CPS1: variants seen among roughly 807,000 people sequenced by gnomAD.
CPS1 encodes carbamoyl-phosphate synthase [ammonia], mitochondrial.
A neutral mutation model predicts 174.6 loss-of-function variants in CPS1; 109 were observed. That is an observed-to-expected ratio of 0.62 (90% CI 0.53 to 0.73). The LOEUF (loss-of-function observed/expected upper bound fraction) is 0.73, where lower values mean the gene tolerates loss of function less well. Among genes scored for constraint, CPS1 ranks in the 30% least tolerant of loss-of-function variants. CPS1 has a pLI of 0.00. For missense variants in CPS1, 1,689 were observed against 1,821.9 expected (o/e 0.93, Z 1.33); for synonymous variants, 637 against 632.0 (o/e 1.01, Z -0.12).
chr2:210,482,306 CTT>C (rs767115699), intron 1 of CPS1, among the ~76,000 whole-genome samples: 6 of 144,536 alleles, frequency 4.2e-5, no homozygotes, highest in African/African-American at 1.5e-4. Flanking sequence ...CGTTGAATCC[CTT>C]TTTTTTTTTT....
intron 34 of CPS1, among the ~76,000 whole-genome samples, chr2:210,669,351 A>T (rs1339120172): frequency 6.6e-6 from 1 of 152,170 alleles, no homozygotes; most frequent in Admixed American, 6.6e-5. Flanking sequence ...ATTTGAGATT[A>T]GTAATTCTTG....
intron 37 of CPS1, 25 bp from the exon 38 acceptor site, chr2:210,677,862 C>G (rs201708425): frequency 1.9e-6 from 3 of 1,545,922 alleles, no homozygotes; most frequent in Non-Finnish European, 2.7e-6. Context: ...ATGGAGGGTG[C>G]TGATTCCTAC....
At chr2:210,670,040 G>C (rs1559138274) in intron 34 of CPS1, among the ~76,000 whole-genome samples, 1 of 151,656 alleles carries the variant, frequency 6.6e-6, no homozygotes. Flanking sequence ...TGCTTTGTAG[G>C]GGAAAAAAGG....
intron 21 of CPS1, among the ~76,000 whole-genome samples, chr2:210,632,462 A>G (rs1699898979): frequency 6.6e-6 from 1 of 152,162 alleles, no homozygotes; most frequent in Non-Finnish European, 1.5e-5. Flanking sequence ...ACAATTTTGT[A>G]TCAGAATAAG....
intron 4 of CPS1, among the ~76,000 whole-genome samples, chr2:210,578,817 C>G (rs1697802294): frequency 6.6e-6 from 1 of 152,152 alleles, no homozygotes; most frequent in African/African-American, 2.4e-5. Flanking sequence ...CTTCTCTCCC[C>G]CCAGCCCCCA....
intron 1 of CPS1, among the ~76,000 whole-genome samples, chr2:210,570,036 G>A (rs529196448): frequency 1.3e-5 from 2 of 151,938 alleles, no homozygotes; most frequent in African/African-American, 2.4e-5. Flanking sequence ...CTGTTAGTTA[G>A]AAGAAAGGAT....
chr2:210,564,619 G>A (rs1054242492), intron 1 of CPS1, among the ~76,000 whole-genome samples: 4 of 151,976 alleles, frequency 2.6e-5, no homozygotes, highest in Non-Finnish European at 4.4e-5. Context: ...CTTGTGATCC[G>A]CCCGCCTCGG....
chr2:210,558,611 A>G (rs1696997512), intron 1 of CPS1, among the ~76,000 whole-genome samples: 1 of 151,984 alleles, frequency 6.6e-6, no homozygotes, highest in East Asian at 1.9e-4. Flanking sequence ...GTGAGAAGGT[A>G]GGTATGTAGG....
Position 210,602,116 on chromosome 2 carries a change from T to C in CPS1, c.1708-86T>C. On this transcript the variant is annotated intron_variant, in intron 15 of 37. Coordinates refer to ENST00000233072, the MANE Select transcript of CPS1 (RefSeq NM_001875.5). ...TTCACTCTCCCCACATAAGTTGGTT[T>C]ACCTGATTGCCAGACTCTCTTGGTG... is the stretch of plus-strand genomic sequence containing the variant. The C allele has an allele frequency of 1.9e-6, 3 of 1,542,656 alleles. No individual in the cohort carries two copies. In the South Asian group the frequency reaches 3.4e-5, roughly 18 times the overall value.
At chr2:210,561,936 A>G (rs2287604) in intron 1 of CPS1, among the ~76,000 whole-genome samples, 30,615 of 152,168 alleles carry the variant, frequency 0.2, 3,591 homozygotes, top group African/African-American at 0.3. Flanking sequence ...GGGTTGCTAC[A>G]TTATGAAAGA....
intron 21 of CPS1, among the ~76,000 whole-genome samples, chr2:210,633,257 C>G (rs1699925879): frequency 6.6e-6 from 1 of 152,042 alleles, no homozygotes; most frequent in African/African-American, 2.4e-5. Flanking sequence ...GTCTTAGTGA[C>G]AGATGGCTTT....
chr2:210,620,914 C>T (rs1472465340), intron 21 of CPS1, among the ~76,000 whole-genome samples: 1 of 152,066 alleles, frequency 6.6e-6, no homozygotes, highest in African/African-American at 2.4e-5. Context: ...AGCATCCTAG[C>T]TTTGAGTGCT....
intron 21 of CPS1, among the ~76,000 whole-genome samples, chr2:210,633,433 G>C (rs559677909): frequency 1.3e-5 from 2 of 151,966 alleles, no homozygotes; most frequent in Admixed American, 6.6e-5. Flanking sequence ...TTTATTAGTA[G>C]GTAGAGGCAG....
At chr2:210,612,025 T>A in intron 19 of CPS1, 92 bp from the exon 20 acceptor site, 1 of 1,214,594 alleles carries the variant, frequency 8.2e-7, no homozygotes, top group Non-Finnish European at 1.2e-6. Flanking sequence ...TTCTTATTTG[T>A]TTTATAAAAT....
At chr2:210,554,095 A>ATG (rs1014457308), upstream of CPS1, among the ~76,000 whole-genome samples, 20 of 146,304 alleles carry the variant, frequency 1.4e-4, no homozygotes, top group East Asian at 7.9e-4. Context: ...ATGTATATGT[A>ATG]TGTATATACA....
At chr2:210,607,062 C>T (rs1382658324) in intron 18 of CPS1, 121 bp downstream of exon 18, 7 of 871,780 alleles carry the variant, frequency 8.0e-6, no homozygotes, top group Non-Finnish European at 1.2e-5. Context: ...TGTATGTTAG[C>T]TCCAAATCAT....
chr2:210,571,780 C>T (rs1292128607), intron 1 of CPS1, among the ~76,000 whole-genome samples: 2 of 150,988 alleles, frequency 1.3e-5, no homozygotes, highest in Admixed American at 6.6e-5. Context: ...AAATTGAGTG[C>T]ATGTTATAAA....
At chr2:210,667,099 G>A (rs920555332) in intron 33 of CPS1, among the ~76,000 whole-genome samples, 11 of 152,112 alleles carry the variant, frequency 7.2e-5, no homozygotes, top group Admixed American at 5.9e-4. Flanking sequence ...ATTGTGAATG[G>A]GAGTTCCCTC....
intron 28 of CPS1, among the ~76,000 whole-genome samples, chr2:210,653,815 G>A (rs772246107): frequency 6.6e-6 from 1 of 152,158 alleles, no homozygotes; most frequent in African/African-American, 2.4e-5. Context: ...AGCACTCAAA[G>A]TTGGAGAAAG....
Sources: allele counts gnomAD v4.1 joint callset (sites outside exome capture counted in the v4.1 genomes callset), GRCh38; gene constraint gnomAD v4.1.1; transcripts MANE v1.5; gene names NCBI Gene and HGNC (gene_info 2026-07-23, HGNC 2026-07-21).